Variants in MECR observed in about 807,000 individuals in gnomAD.
MECR encodes the protein mitochondrial trans-2-enoyl-CoA reductase.
MECR carries 37 observed loss-of-function variants against 49.1 expected under a neutral mutation model. The ratio of observed to expected loss-of-function variants is 0.75; its 90% CI spans 0.58 to 0.99. The LOEUF is 0.99. MECR is among the 50% of genes least tolerant of loss of function. The pLI is 0.00. For missense variants in MECR, 470 were observed against 479.6 expected, an observed-to-expected ratio of 0.98 and a Z score of 0.19; for synonymous variants, 198 against 191.1, an observed-to-expected ratio of 1.04 and a Z score of -0.30.
chr1:29,221,426 T>C (rs942726329), intron 1 of MECR, among the ~76,000 whole-genome samples: 1 of 152,158 alleles, frequency 6.6e-6, no homozygotes, highest in African/African-American at 2.4e-5. Context: ...ACAGGGCGGA[T>C]GGAGAAAAGA....
At chr1:29,177,636 G>A in the MECR span, among the ~76,000 whole-genome samples, 1 of 152,014 alleles carries the variant, frequency 6.6e-6, no homozygotes, top group South Asian at 2.1e-4. Context: ...AGACCTTAAT[G>A]GGAAATGGAA....
chr1:29,167,791 G>C, the MECR span, among the ~76,000 whole-genome samples: 6 of 152,202 alleles, frequency 3.9e-5, no homozygotes, highest in African/African-American at 1.4e-4. Context: ...TGGCTATTTA[G>C]CACAGTGCCT....
At chr1:29,208,154 G>A (rs1385100567) in intron 3 of MECR, among the ~76,000 whole-genome samples, 1 of 152,076 alleles carries the variant, frequency 6.6e-6, no homozygotes, top group Non-Finnish European at 1.5e-5. Flanking sequence ...CACCACGCCC[G>A]GCTAATTTTT....
intron 1 of MECR, among the ~76,000 whole-genome samples, chr1:29,229,402 G>A (rs1281302102): frequency 6.6e-6 from 1 of 151,964 alleles, no homozygotes; most frequent in Non-Finnish European, 1.5e-5. Context: ...ATGGGGTTTC[G>A]CCACGTTGGC....
chr1:29,170,460 A>C, the MECR span: 2 of 152,300 alleles, frequency 1.3e-5, no homozygotes, highest in South Asian at 4.1e-4. Flanking sequence ...CCAGGTGTTA[A>C]AGCTTCATTA....
intron 8 of MECR, 87 bp from the exon 9 acceptor site, chr1:29,196,100 G>A (rs1673906780): frequency 2.5e-6 from 4 of 1,595,990 alleles, no homozygotes; most frequent in Non-Finnish European, 3.4e-6. Context: ...CAGGAACGGG[G>A]CATTGCCTAA....
At chr1:29,215,137 C>G (rs1259250055) in intron 3 of MECR, among the ~76,000 whole-genome samples, 2 of 152,188 alleles carry the variant, frequency 1.3e-5, no homozygotes, top group Non-Finnish European at 2.9e-5. Context: ...GCCTTTCTGG[C>G]CTTCTTTCTC....
intron 1 of MECR, among the ~76,000 whole-genome samples, chr1:29,225,596 A>C (rs1297059328): frequency 3.9e-5 from 6 of 152,062 alleles, no homozygotes; most frequent in Non-Finnish European, 4.4e-5. Flanking sequence ...GCACTCAGTA[A>C]ACTCTCAAAG....
chr1:29,181,263 G>A, the MECR span, among the ~76,000 whole-genome samples: 1 of 152,218 alleles, frequency 6.6e-6, no homozygotes, highest in African/African-American at 2.4e-5. Flanking sequence ...ATTTCCAGTA[G>A]TCCTCAGAGC....
chr1:29,218,774 T>C (rs1230749618), intron 1 of MECR, among the ~76,000 whole-genome samples: 2 of 152,128 alleles, frequency 1.3e-5, no homozygotes, highest in Non-Finnish European at 2.9e-5. Context: ...AATTAAGGAA[T>C]GTATGTATTT....
chr1:29,227,945 G>A (rs563049595), intron 1 of MECR, among the ~76,000 whole-genome samples: 76 of 152,304 alleles, frequency 5.0e-4, no homozygotes, highest in African/African-American at 1.8e-3. Context: ...GTATCCACAA[G>A]GCAGTGGTTC....
chr1:29,216,094 T>C lies in MECR; in HGVS notation c.317A>G (p.Asn106Ser), dbSNP rs1679332114. The change falls in exon 3 of 10, where the codon AAC (asparagine) becomes AGC (serine). Residue 106 changes from asparagine to serine, a missense_variant. Physicochemically the swap from Asn to Ser is conservative, Grantham distance 46. Transcript: ENST00000263702. ...CGCTACCACCTGTGCAACACCTTCG[T>C]TCCCTCCAACAGCAGGCAGTTCAGG... ...FLPELPAVGG[N>S]EGVAQVVAVG... 1 of 1,613,842 alleles carries C rather than the reference T, an allele frequency of 6.2e-7. No individual in the cohort carries two copies. Among genetic ancestry groups the C allele is most frequent in the African/African-American group, 1.3e-5 (1 of 74,914 alleles).
the MECR span, among the ~76,000 whole-genome samples, chr1:29,168,030 A>T: frequency 0.051 from 1,433 of 28,266 alleles, 13 homozygotes; most frequent in Non-Finnish European, 0.099. Context: ...TTTTTTTTTT[A>T]AAAAAAACAT....
At chr1:29,197,425 G>A (rs1488237418) in intron 7 of MECR, among the ~76,000 whole-genome samples, 1 of 152,172 alleles carries the variant, frequency 6.6e-6, no homozygotes, top group Admixed American at 6.5e-5. Flanking sequence ...CTCAGTACCT[G>A]CTGTCTGACA....
rs755442364 is a variant in MECR at position 29,203,215 on chromosome 1, T to C, written c.569A>G (p.Asn190Ser). The C allele has an allele frequency of 2.3e-5, 36 of 1,580,630 alleles. No individual in the cohort carries two copies. Among genetic ancestry groups the C allele is most frequent in the Non-Finnish European group, 2.9e-5 (34 of 1,159,572 alleles). Residue 190 changes from asparagine (N) to serine (S), a missense_variant, in exon 5 of 10, where the codon AAT (asparagine) becomes AGT (serine). By Grantham distance (46) the Asn-to-Ser change is conservative (BLOSUM62 1). Coordinates refer to ENST00000263702, the MANE Select transcript of MECR (RefSeq NM_016011.5). ...QLQPGDSVIQ[N>S]ASNSGVGQAV... ...TTGCCCCACTCCGCTGTTGGATGCATTCTGGATGACAGAATCCCCTGTGGA... is the reference window on the plus strand; with the variant it reads ...TTGCCCCACTCCGCTGTTGGATGCACTCTGGATGACAGAATCCCCTGTGGA...
chr1:29,191,702 C>A (rs141939574), downstream of MECR, among the ~76,000 whole-genome samples: 67 of 152,184 alleles, frequency 4.4e-4, no homozygotes, highest in Middle Eastern at 3.4e-3. Context: ...CCTTTCCCAG[C>A]CCCAGGCTGA....
chr1:29,195,263 G>A (rs868157507), intron 9 of MECR, among the ~76,000 whole-genome samples: 3 of 152,142 alleles, frequency 2.0e-5, no homozygotes, highest in Non-Finnish European at 4.4e-5. Flanking sequence ...GCTCGGAACC[G>A]CTTCAGTGCC....
At chr1:29,229,614 T>C (rs1158491070) in intron 1 of MECR, among the ~76,000 whole-genome samples, 1 of 152,084 alleles carries the variant, frequency 6.6e-6, no homozygotes. Context: ...TGCACAAGAG[T>C]ATGCAGGTGT....
chr1:29,167,872 C>A, the MECR span, among the ~76,000 whole-genome samples: 16 of 152,154 alleles, frequency 1.1e-4, no homozygotes, highest in Admixed American at 5.2e-4. Context: ...TATTATTATT[C>A]TTCTCATTTT....
Sources: allele counts gnomAD v4.1 joint callset (sites outside exome capture counted in the v4.1 genomes callset), GRCh38; gene constraint gnomAD v4.1.1; transcripts MANE v1.5; gene names NCBI Gene and HGNC (gene_info 2026-07-23, HGNC 2026-07-21).